RGS6: variants seen among roughly 807,000 people sequenced by gnomAD.
The protein encoded by RGS6 is regulator of G protein signaling 6, also known as regulator of G-protein signaling 6.
RGS6 carries 30 observed loss-of-function variants against 78.5 expected under a neutral mutation model. The ratio of observed to expected loss-of-function variants is 0.38; its 90% confidence interval spans 0.29 to 0.52. RGS6 has a LOEUF of 0.52. RGS6 is among the 20% of genes least tolerant of loss of function. RGS6 has a pLI of 0.85. For synonymous variants in RGS6, 206 were observed against 206.0 expected (o/e 1.00, Z 0.00); for missense variants, 495 against 609.7 (o/e 0.81, Z 1.98).
intron 13 of RGS6, among the ~76,000 whole-genome samples, chr14:72,506,155 T>C (rs2096795957): frequency 6.6e-6 from 1 of 152,228 alleles, no homozygotes; most frequent in Non-Finnish European, 1.5e-5. Flanking sequence ...ATTTTAGTGC[T>C]GAACACTTGC....
At chr14:72,242,415 C>T (rs140527933) in intron 2 of RGS6, among the ~76,000 whole-genome samples, 14 of 152,306 alleles carry the variant, frequency 9.2e-5, no homozygotes, top group Admixed American at 1.3e-4. Context: ...CTTCTTTCTG[C>T]ATCTCCTGCA....
chr14:71,936,344 A>G (rs943026733), intron 1 of RGS6, among the ~76,000 whole-genome samples: 1 of 151,930 alleles, frequency 6.6e-6, no homozygotes, highest in Non-Finnish European at 1.5e-5. Context: ...CCTCCTTTAT[A>G]TTCGCTGGAA....
chr14:71,963,389 A>G (rs903407638), intron 1 of RGS6, among the ~76,000 whole-genome samples: 23 of 152,348 alleles, frequency 1.5e-4, no homozygotes, highest in African/African-American at 5.3e-4. Context: ...ACATAACACA[A>G]AATTAGCCAT....
chr14:72,196,089 G>A (rs773793853), intron 2 of RGS6, among the ~76,000 whole-genome samples: 2 of 152,082 alleles, frequency 1.3e-5, no homozygotes, highest in Admixed American at 6.5e-5. Context: ...ATGGGGGAGG[G>A]GGAGACTGAA....
chr14:72,513,936 G>C (rs2096909605), intron 14 of RGS6: 1 of 152,260 alleles, frequency 6.6e-6, no homozygotes, highest in African/African-American at 2.4e-5. Context: ...AGAGAACACA[G>C]TGGGGCACCA....
chr14:72,199,020 G>A (rs900145486), intron 2 of RGS6, among the ~76,000 whole-genome samples: 2 of 152,138 alleles, frequency 1.3e-5, no homozygotes, highest in East Asian at 1.9e-4. Flanking sequence ...CATTCTAAGG[G>A]GACTTTGAGT....
intron 2 of RGS6, among the ~76,000 whole-genome samples, chr14:71,987,863 G>A (rs138559712): frequency 6.6e-6 from 1 of 152,232 alleles, no homozygotes; most frequent in African/African-American, 2.4e-5. Context: ...AAACAATACA[G>A]TGAATAAATA....
intron 3 of RGS6, among the ~76,000 whole-genome samples, chr14:72,366,525 CA>C (rs146672924): frequency 1.2e-4 from 18 of 152,146 alleles, no homozygotes; most frequent in Non-Finnish European, 2.5e-4. Context: ...AACCCAACAT[CA>C]GATCAAAGTC....
At chr14:72,501,016 G>A (rs975858092) in intron 13 of RGS6, among the ~76,000 whole-genome samples, 2 of 152,110 alleles carry the variant, frequency 1.3e-5, no homozygotes, top group African/African-American at 4.8e-5. Context: ...GAGAGGAGGG[G>A]TTTGGTGGGT....
In RGS6 at chr14:72,566,458, T is replaced by C. The variant is rs1468300218; in HGVS notation, c.*3991T>C. ...TCTCTTTAGTTTATTTTTCTGGAAT[T>C]TGGGGATTGGACCCCAGAACCAAAC... On this transcript the variant is annotated 3_prime_UTR_variant, in exon 18 of 18. Transcript: ENST00000553525. 6.6e-6 allele frequency: 1 copy of C among 152,232 alleles called. No individual in the cohort carries two copies. Among genetic ancestry groups the C allele is most frequent in the Admixed American group, 6.5e-5 (1 of 15,282 alleles). The allele number at this position is 152,232 out of a possible 1,614,324, so 9.4% of individuals were successfully genotyped here. A position where few individuals can be genotyped will look rare whatever the true frequency, so the allele number is the denominator to read the frequency against.
At chr14:72,422,488 AG>A (rs1435107157) in intron 3 of RGS6, among the ~76,000 whole-genome samples, 1 of 152,182 alleles carries the variant, frequency 6.6e-6, no homozygotes, top group Non-Finnish European at 1.5e-5. Flanking sequence ...TCCAAACTGG[AG>A]CTGCAGAGTC....
chr14:72,190,653 G>A (rs893241696), intron 2 of RGS6, among the ~76,000 whole-genome samples: 6 of 152,230 alleles, frequency 3.9e-5, no homozygotes, highest in Non-Finnish European at 7.3e-5. Context: ...AAATAAGGGA[G>A]AAGCACAGAG....
rs143821151 is a variant in RGS6 at position 72,043,759 on chromosome 14, T to C, written c.84+78884T>C. On this transcript the variant is annotated intron_variant, in intron 2 of 17. Coordinates refer to ENST00000553525, the MANE Select transcript of RGS6 (RefSeq NM_001204424.2). Reference sequence around the variant, plus strand: ...GGTCTCTAAGCTTCCTAGATTGGTATTTTGGTGTCTGTCATTTATTTTGGA... The same window carrying C: ...GGTCTCTAAGCTTCCTAGATTGGTACTTTGGTGTCTGTCATTTATTTTGGA... Among the ~76,000 whole-genome samples the C allele has an allele frequency of 7.0e-4, 106 of 152,334 alleles. No individual in the cohort carries two copies. In the East Asian group the frequency reaches 0.018, roughly 25 times the overall value.
intron 2 of RGS6, among the ~76,000 whole-genome samples, chr14:72,341,202 G>A (rs960926140): frequency 6.6e-6 from 1 of 152,030 alleles, no homozygotes; most frequent in African/African-American, 2.4e-5. Flanking sequence ...AGTCATAGTG[G>A]AAGGCAAAGA....
chr14:72,151,960 T>G (rs1323267746), intron 2 of RGS6, among the ~76,000 whole-genome samples: 1 of 152,132 alleles, frequency 6.6e-6, no homozygotes, highest in East Asian at 1.9e-4. Context: ...AACATGAACT[T>G]GAAAATGAGT....
At chr14:72,478,514 G>T (rs931557757) in intron 12 of RGS6, among the ~76,000 whole-genome samples, 185 bp downstream of exon 12, 1 of 152,172 alleles carries the variant, frequency 6.6e-6, no homozygotes, top group Non-Finnish European at 1.5e-5. Flanking sequence ...TCCCTTGAGT[G>T]ATGTCAAGAA....
chr14:72,525,207 T>C (rs2153474660), intron 15 of RGS6, among the ~76,000 whole-genome samples: 1 of 152,318 alleles, frequency 6.6e-6, no homozygotes, highest in East Asian at 1.9e-4. Context: ...CTTTCAACTT[T>C]GGAGAGACAA....
At chr14:72,446,534 G>C (rs940206365) in intron 3 of RGS6, among the ~76,000 whole-genome samples, 1 of 152,198 alleles carries the variant, frequency 6.6e-6, no homozygotes, top group African/African-American at 2.4e-5. Context: ...AGCCTTTTTG[G>C]CACCAGGGAC....
intron 12 of RGS6, among the ~76,000 whole-genome samples, chr14:72,479,901 G>A (rs772902326): frequency 1.3e-5 from 2 of 152,162 alleles, no homozygotes; most frequent in Non-Finnish European, 2.9e-5. Context: ...ATACTTTGAG[G>A]GTCGGTGTGC....
Sources: allele counts gnomAD v4.1 joint callset (sites outside exome capture counted in the v4.1 genomes callset), GRCh38; gene constraint gnomAD v4.1.1; transcripts MANE v1.5; gene names NCBI Gene and HGNC (gene_info 2026-07-23, HGNC 2026-07-21).